TRDN: variants seen among roughly 807,000 people sequenced by gnomAD.
TRDN encodes triadin in skeletal muscle.
Under a neutral mutation model 149.7 loss-of-function variants are expected in TRDN, and 161 were observed. That is an observed-to-expected ratio of 1.08 (90% CI 0.95 to 1.23). The LOEUF (loss-of-function observed/expected upper bound fraction) is 1.23, where lower values mean the gene tolerates loss of function less well. Among genes scored for constraint, TRDN ranks in the 50% most tolerant of loss-of-function variants. TRDN has a pLI of 0.00. For synonymous variants in TRDN, 294 were observed against 250.5 expected, an observed-to-expected ratio of 1.17 and a Z score of -1.64; for missense variants, 896 against 823.5, an observed-to-expected ratio of 1.09 and a Z score of -1.08.
chr6:123,325,055 T>C (rs973020334), intron 23 of TRDN, among the ~76,000 whole-genome samples: 5 of 152,188 alleles, frequency 3.3e-5, no homozygotes, highest in Admixed American at 2.0e-4. Flanking sequence ...TTATCTGTAA[T>C]CTTCCTTCAT....
At chr6:123,516,058 T>C in intron 6 of TRDN, 83 bp downstream of exon 6, 1 of 1,265,290 alleles carries the variant, frequency 7.9e-7, no homozygotes, top group Non-Finnish European at 1.0e-6. Flanking sequence ...AACTGCGTGG[T>C]CATCTAAAAT....
intron 2 of TRDN, among the ~76,000 whole-genome samples, 165 bp from the exon 3 acceptor site, chr6:123,548,777 C>T (rs1251592888): frequency 1.3e-5 from 2 of 151,896 alleles, no homozygotes; most frequent in Non-Finnish European, 2.9e-5. Context: ...ATAGAAACTT[C>T]ATCTTGCTAT....
chr6:123,563,488 G>A (rs1782108883), intron 2 of TRDN, among the ~76,000 whole-genome samples: 1 of 152,086 alleles, frequency 6.6e-6, no homozygotes, highest in African/African-American at 2.4e-5. Context: ...CTTAAAAAAA[G>A]CCCATGTTAA....
At chr6:123,397,797 G>A (rs1251628189) in intron 12 of TRDN, among the ~76,000 whole-genome samples, 2 of 152,106 alleles carry the variant, frequency 1.3e-5, no homozygotes, top group South Asian at 2.1e-4. Context: ...AATTTGCATG[G>A]ATTTTGTTAA....
At chr6:123,418,395 T>A (rs1174277612) in intron 12 of TRDN, 1 of 150,862 alleles carries the variant, frequency 6.6e-6, no homozygotes, top group African/African-American at 2.5e-5. Flanking sequence ...AAATCCAAAC[T>A]TTTTTTAATG....
intron 1 of TRDN, among the ~76,000 whole-genome samples, chr6:123,603,785 C>T (rs954716562): frequency 1.3e-5 from 2 of 152,174 alleles, no homozygotes; most frequent in South Asian, 2.1e-4. Flanking sequence ...GCAATCACTT[C>T]GTAAAAGTTA....
At chr6:123,481,990 A>G (rs1443731220) in intron 9 of TRDN, among the ~76,000 whole-genome samples, 2 of 152,186 alleles carry the variant, frequency 1.3e-5, no homozygotes, top group Non-Finnish European at 2.9e-5. Context: ...AACTATTTCC[A>G]TACTACTTGA....
chr6:123,451,573 A>G (rs1048812695), intron 10 of TRDN, among the ~76,000 whole-genome samples: 1 of 152,092 alleles, frequency 6.6e-6, no homozygotes, highest in African/African-American at 2.4e-5. Flanking sequence ...CCCTAAGCAG[A>G]CCAATAACAA....
At chr6:123,514,192 C>T (rs549206640) in intron 6 of TRDN, among the ~76,000 whole-genome samples, 1 of 151,952 alleles carries the variant, frequency 6.6e-6, no homozygotes, top group Non-Finnish European at 1.5e-5. Flanking sequence ...TGGCAAAAAC[C>T]CATCTCTACT....
At chr6:123,357,982 C>T (rs914735222) in intron 20 of TRDN, among the ~76,000 whole-genome samples, 3 of 152,072 alleles carry the variant, frequency 2.0e-5, no homozygotes, top group Non-Finnish European at 4.4e-5. Context: ...TTTTCTGGTT[C>T]TAATGTAAAA....
rs540598580 is a variant in TRDN at position 123,289,757 on chromosome 6, T to G, written c.1511-10675A>C. Reference sequence around the variant, plus strand: ...ACTCTCTGCCTATGGGGTAGTCTCTTTTCCCTCAGAGTTACCCATCTTGAG... The same window carrying G: ...ACTCTCTGCCTATGGGGTAGTCTCTGTTCCCTCAGAGTTACCCATCTTGAG... On this transcript the variant is annotated intron_variant, in intron 24 of 40. Coordinates refer to ENST00000334268, the MANE Select transcript of TRDN (RefSeq NM_006073.4). Among the ~76,000 whole-genome samples, 44 of 152,246 alleles carry G rather than the reference T, an allele frequency of 2.9e-4. 1 individual carries two copies. The South Asian group carries it at 3.5e-3, about 12-fold the overall frequency.
intron 12 of TRDN, among the ~76,000 whole-genome samples, chr6:123,405,121 GTTTC>G (rs1474884020): frequency 6.6e-6 from 1 of 152,190 alleles, no homozygotes; most frequent in Non-Finnish European, 1.5e-5. Flanking sequence ...AGCATAATGT[GTTTC>G]TTTAGCAGTC....
chr6:123,402,781 GA>G (rs975861347), intron 12 of TRDN, among the ~76,000 whole-genome samples: 3 of 151,536 alleles, frequency 2.0e-5, no homozygotes, highest in South Asian at 4.2e-4. Flanking sequence ...AATGGAAATG[GA>G]AAAAAAATAA....
chr6:123,433,614 T>C (rs1011152474), intron 12 of TRDN, among the ~76,000 whole-genome samples: 1 of 152,166 alleles, frequency 6.6e-6, no homozygotes, highest in African/African-American at 2.4e-5. Context: ...CTTCTTGTAA[T>C]TTATAGTTCT....
At chr6:123,515,881 A>G (rs147985686) in intron 6 of TRDN, among the ~76,000 whole-genome samples, 57 of 152,292 alleles carry the variant, frequency 3.7e-4, no homozygotes, top group African/African-American at 1.3e-3. Flanking sequence ...ACTGCTGGCT[A>G]AGGCAGTCTC....
chr6:123,449,957 C>G (rs34958269), intron 10 of TRDN, among the ~76,000 whole-genome samples: 3 of 151,988 alleles, frequency 2.0e-5, no homozygotes, highest in Admixed American at 6.6e-5. Context: ...AATTTTGTAT[C>G]CAGTGAAACT....
intron 38 of TRDN, among the ~76,000 whole-genome samples, chr6:123,237,506 C>T (rs1194858426): frequency 6.6e-6 from 1 of 152,152 alleles, no homozygotes; most frequent in Non-Finnish European, 1.5e-5. Context: ...CCTCAGCCTC[C>T]CAAACTGCTG....
intron 19 of TRDN, among the ~76,000 whole-genome samples, chr6:123,371,316 T>C (rs1352630570): frequency 6.6e-6 from 1 of 152,202 alleles, no homozygotes. Context: ...ATCCACACTC[T>C]GACTTTCTGA....
chr6:123,608,169 T>A (rs1440948730), intron 1 of TRDN, among the ~76,000 whole-genome samples: 2 of 152,166 alleles, frequency 1.3e-5, no homozygotes, highest in Non-Finnish European at 2.9e-5. Context: ...TCAGACAACA[T>A]GGGCTCAATT....
Sources: gnomAD v4.1 joint callset for allele counts (sites outside exome capture counted in the v4.1 genomes callset) on GRCh38, gnomAD v4.1.1 for gene constraint, MANE v1.5 for transcripts, NCBI Gene and HGNC (gene_info 2026-07-23, HGNC 2026-07-21) for gene names.